The following NXF2 variants were observed in gnomAD, a reference collection of about 807,000 sequenced individuals.
NXF2 encodes TAP-like protein 2.
intron 2 of NXF2, among the ~76,000 whole-genome samples, chrX:102,294,096 C>T (rs1195210811): frequency 0.015 from 1,167 of 79,814 alleles, no homozygotes; most frequent in Non-Finnish European, 0.02. Flanking sequence ...TGTTAAATGA[C>T]GAGTTAATGG....
chrX:102,281,957 C>T (rs1207841311), intron 2 of NXF2, among the ~76,000 whole-genome samples: 3 of 44,566 alleles, frequency 6.7e-5, no homozygotes, highest in African/African-American at 1.4e-4. Flanking sequence ...TACAGGTGCC[C>T]GCCACCACGC....
At chrX:102,294,538 CTGTT>C (rs1362067464) in intron 2 of NXF2, among the ~76,000 whole-genome samples, 1 of 86,347 alleles carries the variant, frequency 1.2e-5, no homozygotes, top group Non-Finnish European at 2.3e-5. Context: ...CTAACGCAGA[CTGTT>C]TGGTGACATT....
At chrX:102,294,052 A>G (rs1602442684) in intron 2 of NXF2, among the ~76,000 whole-genome samples, 1 of 67,607 alleles carries the variant, frequency 1.5e-5, no homozygotes, top group African/African-American at 7.4e-5. Context: ...GGGTGGGGGG[A>G]CGGGGGAGGG....
At chrX:102,282,007 A>C (rs1602440570) in intron 2 of NXF2, among the ~76,000 whole-genome samples, 1 of 31,871 alleles carries the variant, frequency 3.1e-5, no homozygotes, top group African/African-American at 9.0e-5. Flanking sequence ...TTTAGTAGAG[A>C]CGGGGTTCCA....
intron 2 of NXF2, among the ~76,000 whole-genome samples, chrX:102,298,718 C>G (rs1444827554): frequency 8.7e-6 from 1 of 114,497 alleles, no homozygotes; most frequent in Non-Finnish European, 1.9e-5. Flanking sequence ...TGCTAAACCA[C>G]TTAGCCCTTA....
intron 2 of NXF2, among the ~76,000 whole-genome samples, chrX:102,286,437 TGGTGA>T (rs1933943398): frequency 1.2e-5 from 1 of 84,530 alleles, no homozygotes; most frequent in African/African-American, 4.4e-5. Flanking sequence ...GAGAGGAGTG[TGGTGA>T]GGCTTGGGGT....
At chrX:102,251,268 T>A (rs1474236115) in intron 2 of NXF2, among the ~76,000 whole-genome samples, 3 of 34,385 alleles carry the variant, frequency 8.7e-5, no homozygotes, top group Admixed American at 8.1e-4. Flanking sequence ...CTGGCCTGTA[T>A]GGGCTTTTAA....
At chrX:102,298,634 GGTGTCCCAGGGAC>G (rs1382570363) in intron 2 of NXF2, among the ~76,000 whole-genome samples, 1 of 103,332 alleles carries the variant, frequency 9.7e-6, no homozygotes, top group East Asian at 3.3e-4. Context: ...CATGGCAGCC[GGTGTCCCAGGGAC>G]TGATGATTAA....
At chrX:102,299,112 G>A (rs1264275884) in intron 2 of NXF2, among the ~76,000 whole-genome samples, 3 of 18,562 alleles carry the variant, frequency 1.6e-4, no homozygotes, top group Middle Eastern at 0.01. Flanking sequence ...TATATGATAC[G>A]TTGTTATTAA....
At chrX:102,251,875 G>A (rs1467484754) in intron 2 of NXF2, among the ~76,000 whole-genome samples, 4 of 107,724 alleles carry the variant, frequency 3.7e-5, no homozygotes, top group African/African-American at 1.0e-4. Context: ...TTATCCTTAT[G>A]TGGTCAAATG....
At chrX:102,289,415 CTTTAG>C (rs1420889880) in intron 2 of NXF2, among the ~76,000 whole-genome samples, 2 of 13,790 alleles carry the variant, frequency 1.5e-4, no homozygotes, top group Non-Finnish European at 2.8e-4. Flanking sequence ...TGCAGAAGCT[CTTTAG>C]TTTAATTAGA....
chrX:102,251,787 G>C (rs1259467822), intron 2 of NXF2, among the ~76,000 whole-genome samples: 1 of 77,231 alleles, frequency 1.3e-5, no homozygotes, highest in Non-Finnish European at 2.4e-5. Flanking sequence ...AGTTGTCTGC[G>C]ATATGTGCTG....
intron 2 of NXF2, among the ~76,000 whole-genome samples, chrX:102,298,648 T>C (rs1167928538): frequency 9.3e-6 from 1 of 107,372 alleles, no homozygotes; most frequent in Non-Finnish European, 1.9e-5. Flanking sequence ...TCCCAGGGAC[T>C]GATGATTAAA....
intron 2 of NXF2, among the ~76,000 whole-genome samples, chrX:102,282,054 G>A (rs1230051223): frequency 2.8e-4 from 18 of 64,165 alleles, no homozygotes; most frequent in African/African-American, 9.0e-4. Context: ...TCCTGACCTC[G>A]TGATCCTCCC....
intron 2 of NXF2, among the ~76,000 whole-genome samples, chrX:102,298,996 C>T (rs1366346344): frequency 1.3e-5 from 1 of 75,386 alleles, no homozygotes; most frequent in African/African-American, 5.1e-5. Context: ...TAAGTGTATA[C>T]ATTTAGAAAG....
At chrX:102,274,518 T>C (rs1305348743) in intron 2 of NXF2, among the ~76,000 whole-genome samples, 2 of 3,409 alleles carry the variant, frequency 5.9e-4, no homozygotes, top group Admixed American at 3.0e-3. Context: ...CTTCTTCTTC[T>C]TCTTCCTCTT....
At chrX:102,298,769 G>A (rs149314945) in intron 2 of NXF2, among the ~76,000 whole-genome samples, 403 of 114,145 alleles carry the variant, frequency 3.5e-3, no homozygotes, top group African/African-American at 0.012. Flanking sequence ...TAATTCTCAC[G>A]CCAAATTGAG....
intron 2 of NXF2, among the ~76,000 whole-genome samples, chrX:102,298,629 C>T (rs1934006490): frequency 9.8e-6 from 1 of 101,639 alleles, no homozygotes; most frequent in Non-Finnish European, 2.0e-5. Flanking sequence ...ATAGCCATGG[C>T]AGCCGGTGTC....
chrX:102,298,768 C>T (rs182216345), intron 2 of NXF2, among the ~76,000 whole-genome samples: 11 of 114,747 alleles, frequency 9.6e-5, no homozygotes, highest in African/African-American at 2.8e-4. Context: ...TTAATTCTCA[C>T]GCCAAATTGA....
Sources: gnomAD v4.1 joint callset for allele counts (sites outside exome capture counted in the v4.1 genomes callset) on GRCh38, gnomAD v4.1.1 for gene constraint, MANE v1.5 for transcripts, NCBI Gene and HGNC (gene_info 2026-07-23, HGNC 2026-07-21) for gene names.